The following PTCHD1 variants were observed in gnomAD, a reference collection of about 807,000 sequenced individuals.
The protein encoded by PTCHD1 is patched domain-containing protein 1.
A neutral mutation model predicts 34.6 loss-of-function variants in PTCHD1; 3 were observed. That is an observed-to-expected ratio of 0.09 (90% CI 0.04 to 0.22). The LOEUF (loss-of-function observed/expected upper bound fraction) is 0.22. PTCHD1 is among the 10% of genes least tolerant of loss of function. The probability of loss-of-function intolerance (pLI) is 1.00; values close to 1 mark genes in which losing one functional copy is unlikely to be tolerated. For missense variants in PTCHD1, 504 were observed against 685.5 expected (o/e 0.74, Z 2.96); for synonymous variants, 305 against 283.1 (o/e 1.08, Z -0.77).
chrX:23,368,428 T>C (rs1303193927), intron 1 of PTCHD1, among the ~76,000 whole-genome samples: 1 of 112,101 alleles, frequency 8.9e-6, no homozygotes, highest in Non-Finnish European at 1.9e-5. Flanking sequence ...TGAAGTATCA[T>C]TCAATGTCAC....
intron 1 of PTCHD1, among the ~76,000 whole-genome samples, chrX:23,337,655 G>GACACTTA (rs964746744): frequency 9.0e-6 from 1 of 111,135 alleles, no homozygotes; most frequent in African/African-American, 3.3e-5. Context: ...GGATAGCATT[G>GACACTTA]ACAGTTAACA....
chrX:23,370,685 A>G (rs1922253382), intron 1 of PTCHD1, among the ~76,000 whole-genome samples: 1 of 112,045 alleles, frequency 8.9e-6, no homozygotes, highest in South Asian at 3.7e-4. Flanking sequence ...AGTGCCCATT[A>G]GAAACATAGC....
intron 1 of PTCHD1, among the ~76,000 whole-genome samples, chrX:23,369,169 G>A (rs1024918345): frequency 2.7e-5 from 3 of 112,164 alleles, no homozygotes; most frequent in African/African-American, 9.7e-5. Context: ...CCAGCTGTTT[G>A]CGCATGCTTG....
Position 23,379,729 on chromosome X carries a change from C to T in PTCHD1, c.490C>T (p.Arg164Trp). The T allele has an allele frequency of 1.7e-6, 2 of 1,211,231 alleles. No individual in the cohort carries two copies. The highest frequency in any genetic ancestry group is 2.2e-6 in the Non-Finnish European group (2 of 895,439). The change falls in exon 2 of 3, where the codon CGG (arginine) becomes TGG (tryptophan). Residue 164 changes from arginine (R) to tryptophan (W), a missense_variant. Transcript: ENST00000379361. Reference sequence around the variant, plus strand: ...CGTCCTGGAAGAGCTAAAGAATGCTCGGGCCACCAATCGGACCAATTTTGC... The same window carrying T: ...CGTCCTGGAAGAGCTAAAGAATGCTTGGGCCACCAATCGGACCAATTTTGC... ...VHVLEELKNA[R>W]ATNRTNFAIT...
At chrX:23,351,291 G>T in intron 1 of PTCHD1, 1 of 845,868 alleles carries the variant, frequency 1.2e-6, no homozygotes, top group South Asian at 2.1e-5. Flanking sequence ...TCACACAAAA[G>T]ATGTTGGACA....
rs1459340459 is a variant in PTCHD1 at position 23,395,963 on chromosome X, A to G, written c.*1778A>G. On this transcript the variant is annotated 3_prime_UTR_variant, in exon 3 of 3. Transcript: ENST00000379361. The stretch of plus-strand genomic sequence containing the variant: ...AGCATACCTAAGACAGGGCAGTCCA[A>G]TTTTCAGTATTCTCATAAGATGGCT... The G allele has an allele frequency of 7.2e-5, 8 of 111,876 alleles. No individual in the cohort carries two copies. In the Admixed American group the frequency reaches 7.6e-4, roughly 11 times the overall value. The allele number at this position is 111,876 out of a possible 1,213,427, so 9.2% of individuals were successfully genotyped here.
Position 23,336,982 on chromosome X carries a change from C to A in PTCHD1, c.351+1756C>A, listed in dbSNP as rs922755568. On this transcript the variant is annotated intron_variant, in intron 1 of 2. Transcript: ENST00000379361. ...GTTTCCATTGCCTTTCCCCCCCCAC[C>A]CACAAACCATCACACCACTGTGACA... Among the ~76,000 whole-genome samples, 9 of 111,213 alleles carry A rather than the reference C, an allele frequency of 8.1e-5. No individual in the cohort carries two copies. The Admixed American group carries it at 8.6e-4, about 11-fold the overall frequency.
chrX:23,367,044 A>T (rs748374426), intron 1 of PTCHD1, among the ~76,000 whole-genome samples: 62 of 110,980 alleles, frequency 5.6e-4, no homozygotes, highest in Non-Finnish European at 9.6e-4. Flanking sequence ...TAGCACTGTA[A>T]CACTCACTGG....
intron 1 of PTCHD1, among the ~76,000 whole-genome samples, chrX:23,348,949 T>G (rs1921553002): frequency 1.8e-5 from 2 of 111,965 alleles, no homozygotes; most frequent in Admixed American, 9.5e-5. Flanking sequence ...TCAATAATAG[T>G]AACAATATAT....
At chrX:23,354,823 G>A (rs1228246231) in intron 1 of PTCHD1, among the ~76,000 whole-genome samples, 1 of 108,933 alleles carries the variant, frequency 9.2e-6, no homozygotes, top group Admixed American at 9.8e-5. Flanking sequence ...ACCCCGCCTC[G>A]GCCTCCCAAA....
intron 1 of PTCHD1, among the ~76,000 whole-genome samples, chrX:23,343,526 G>T (rs1189704676): frequency 8.9e-6 from 1 of 112,200 alleles, no homozygotes; most frequent in East Asian, 2.8e-4. Flanking sequence ...ACACTTAAAA[G>T]AAAACATCAA....
rs1923061238 is a variant in PTCHD1 at position 23,399,053 on chromosome X, G to A, written c.*4868G>A. ...TACAAAAAAAAGCGATGTGTACCAA[G>A]GAGAAAACCAGCAGAGAAAGCTTGG... is the stretch of plus-strand genomic sequence containing the variant. On this transcript the variant is annotated 3_prime_UTR_variant, in exon 3 of 3. Transcript: ENST00000379361. The A allele has an allele frequency of 9.0e-6, 1 of 111,236 alleles. No homozygotes were observed. The highest frequency in any genetic ancestry group is 1.9e-5 in the Non-Finnish European group (1 of 53,133). 9.2% of individuals were successfully genotyped at this position (111,236 alleles called of 1,213,427 possible).
intron 2 of PTCHD1, among the ~76,000 whole-genome samples, chrX:23,389,321 T>C (rs914601555): frequency 9.0e-6 from 1 of 111,604 alleles, no homozygotes; most frequent in Non-Finnish European, 1.9e-5. Context: ...GCCGACCTCT[T>C]CAGCAAAAAT....
At chrX:23,366,888 G>C (rs1372736609) in intron 1 of PTCHD1, among the ~76,000 whole-genome samples, 1 of 106,827 alleles carries the variant, frequency 9.4e-6, no homozygotes, top group Non-Finnish European at 1.9e-5. Context: ...TTATTCTATT[G>C]CACACTCACC....
At chrX:23,364,662 T>G (rs778266770) in intron 1 of PTCHD1, among the ~76,000 whole-genome samples, 2 of 112,230 alleles carry the variant, frequency 1.8e-5, no homozygotes, top group East Asian at 5.7e-4. Context: ...CATCACTGCC[T>G]GGGAAGGAAT....
chrX:23,386,982 C>G (rs1188905026), intron 2 of PTCHD1, among the ~76,000 whole-genome samples: 1 of 112,050 alleles, frequency 8.9e-6, no homozygotes, highest in Admixed American at 9.5e-5. Context: ...CACCCAGCGG[C>G]ATCTCTCAGC....
intron 1 of PTCHD1, among the ~76,000 whole-genome samples, chrX:23,342,300 ATATATATATATTTTT>A (rs1447308210): frequency 4.1e-4 from 6 of 14,784 alleles, no homozygotes; most frequent in Admixed American, 8.9e-4. Context: ...ATATATATAT[ATATATATATATTTTT>A]TTTTTTTTTT....
At chrX:23,359,310 C>A (rs1377239620) in intron 1 of PTCHD1, among the ~76,000 whole-genome samples, 4 of 111,923 alleles carry the variant, frequency 3.6e-5, no homozygotes, top group African/African-American at 1.3e-4. Context: ...TGTTTGTGTC[C>A]TCTTTTATTT....
chrX:23,366,851 G>A (rs1429592358), intron 1 of PTCHD1, among the ~76,000 whole-genome samples: 3 of 109,461 alleles, frequency 2.7e-5, no homozygotes, highest in Admixed American at 9.8e-5. Flanking sequence ...ATCCTCCGTC[G>A]TCTGACCCCT....
Sources: allele counts gnomAD v4.1 joint callset (sites outside exome capture counted in the v4.1 genomes callset), GRCh38; gene constraint gnomAD v4.1.1; transcripts MANE v1.5; gene names NCBI Gene and HGNC (gene_info 2026-07-23, HGNC 2026-07-21).